DNAH3: variants seen among roughly 807,000 people sequenced by gnomAD.
DNAH3 encodes the protein axonemal beta dynein heavy chain 3.
DNAH3 carries 332 observed loss-of-function variants against 432.5 expected under a neutral mutation model. That is an observed-to-expected ratio of 0.77 (90% CI 0.70 to 0.84). The LOEUF (loss-of-function observed/expected upper bound fraction) is 0.84. Among genes scored for constraint, DNAH3 ranks in the 40% least tolerant of loss-of-function variants. The pLI is 0.00. For missense variants in DNAH3, 4,861 were observed against 5,114.0 expected, an observed-to-expected ratio of 0.95 and a Z score of 1.51; for synonymous variants, 1,956 against 1,900.2, an observed-to-expected ratio of 1.03 and a Z score of -0.76.
Position 21,150,355 on chromosome 16 carries a change from G to A in DNAH3, c.118-4267C>T, listed in dbSNP as rs535396453. The A allele has an allele frequency of 8.0e-5, 36 of 450,736 alleles. No homozygotes were observed. The Admixed American group carries it at 8.6e-4, about 11-fold the overall frequency. The allele number at this position is 450,736 out of a possible 1,614,324, so 27.9% of individuals were successfully genotyped here. A position where few individuals can be genotyped will look rare whatever the true frequency, so the allele number is the denominator to read the frequency against. On this transcript the variant is annotated intron_variant, in intron 1 of 61. Coordinates refer to ENST00000261383, the Ensembl canonical transcript of DNAH3. ...CTAATTGTAGCTATTTTTTTAAAAT[G>A]AATAAAGAGCTTTCAGCTTCTCCAG...
intron 41 of DNAH3, among the ~76,000 whole-genome samples, chr16:21,005,528 G>A (rs988400645): frequency 6.6e-6 from 1 of 151,838 alleles, no homozygotes; most frequent in Non-Finnish European, 1.5e-5. Context: ...ACAGGCACAC[G>A]CCACCGCACC....
chr16:21,037,857 G>A (rs763959950), exon 34 of DNAH3: 3 of 1,614,172 alleles, frequency 1.9e-6, no homozygotes, highest in South Asian at 2.2e-5. Flanking sequence ...CTGGATACTT[G>A]AGCTTCAGGT....
chr16:21,146,212 A>C, intron 1 of DNAH3, 124 bp from the exon 3 acceptor site: 1 of 626,460 alleles, frequency 1.6e-6, no homozygotes, highest in Admixed American at 2.9e-5. Context: ...ACCTAAAACA[A>C]AACACTCCTC....
chr16:20,944,825 C>T (rs1411883907), intron 57 of DNAH3, among the ~76,000 whole-genome samples, 162 bp from the exon 58 acceptor site: 1 of 151,740 alleles, frequency 6.6e-6, no homozygotes, highest in African/African-American at 2.4e-5. Flanking sequence ...CAACCCTAGC[C>T]CTCCCTCATA....
At chr16:20,997,348 T>G (rs547056352) in exon 44 of DNAH3, 2 of 1,614,194 alleles carry the variant, frequency 1.2e-6, no homozygotes, top group East Asian at 2.2e-5. Context: ...GTCCACGATG[T>G]CCAGCCTGGT....
chr16:21,095,695 A>C (rs1238921798), intron 18 of DNAH3, among the ~76,000 whole-genome samples: 2 of 152,242 alleles, frequency 1.3e-5, no homozygotes, highest in African/African-American at 4.8e-5. Context: ...AATGTATATA[A>C]ATTTAAAAAT....
At chr16:20,969,236 CTG>C (rs1322625157) in intron 52 of DNAH3, among the ~76,000 whole-genome samples, 2 of 151,438 alleles carry the variant, frequency 1.3e-5, no homozygotes, top group Non-Finnish European at 2.9e-5. Flanking sequence ...GTGCATGGCT[CTG>C]TGTGTGCATG....
chr16:20,971,833 A>T (rs1167024902), intron 51 of DNAH3, among the ~76,000 whole-genome samples: 1 of 152,220 alleles, frequency 6.6e-6, no homozygotes, highest in Non-Finnish European at 1.5e-5. Context: ...TCCCCTTGGT[A>T]TAGAGCAAAG....
At chr16:21,024,013 C>T (rs574607818) in intron 39 of DNAH3, among the ~76,000 whole-genome samples, 1 of 152,046 alleles carries the variant, frequency 6.6e-6, no homozygotes, top group Non-Finnish European at 1.5e-5. Context: ...GCAAGAGGAA[C>T]CACAGACACC....
intron 37 of DNAH3, 104 bp downstream of exon 37, chr16:21,030,941 T>C: frequency 2.5e-6 from 3 of 1,183,006 alleles, no homozygotes; most frequent in South Asian, 1.4e-5. Context: ...ACAGAATACA[T>C]ACATAATAAA....
At chr16:21,148,282 G>A (rs1220262508) in intron 1 of DNAH3, among the ~76,000 whole-genome samples, 1 of 151,928 alleles carries the variant, frequency 6.6e-6, no homozygotes, top group Non-Finnish European at 1.5e-5. Context: ...TATTCCAAAC[G>A]ATTATGTGCC....
chr16:21,057,234 C>A (rs1424621282), intron 27 of DNAH3, among the ~76,000 whole-genome samples: 2 of 152,074 alleles, frequency 1.3e-5, no homozygotes, highest in South Asian at 2.1e-4. Context: ...CATAGTGAGA[C>A]CCCCGTCTCT....
intron 43 of DNAH3, among the ~76,000 whole-genome samples, chr16:20,998,589 A>G (rs1244266384): frequency 6.6e-6 from 1 of 151,966 alleles, no homozygotes; most frequent in Non-Finnish European, 1.5e-5. Context: ...CAAAATGACA[A>G]GAATATATTA....
chr16:21,133,468 C>T (rs141046232), intron 7 of DNAH3, among the ~76,000 whole-genome samples: 2 of 151,790 alleles, frequency 1.3e-5, no homozygotes, highest in African/African-American at 2.4e-5. Flanking sequence ...GAGCTGGGTG[C>T]GATGGCCCAT....
chr16:20,978,614 G>T (rs2085708571), intron 50 of DNAH3, among the ~76,000 whole-genome samples: 1 of 152,168 alleles, frequency 6.6e-6, no homozygotes, highest in Non-Finnish European at 1.5e-5. Flanking sequence ...GCTCACTGCA[G>T]CCTCAAACTC....
rs2085471516 is a variant in DNAH3, at chr16:20,974,186, A to T, written c.8259+1047T>A. ...AGGTGCATGCCACCACAGCTGGCTA[A>T]TTTTTTTTTACATTTTTTGTAGAGA... On this transcript the variant is annotated intron_variant, in intron 51 of 61. Coordinates refer to ENST00000261383, the Ensembl canonical transcript of DNAH3. Among the ~76,000 whole-genome samples the T allele has an allele frequency of 2.0e-5, 3 of 150,192 alleles. No individual in the cohort carries two copies. The South Asian group carries it at 6.4e-4, about 32-fold the overall frequency.
chr16:20,996,146 C>T (rs2086752887), intron 44 of DNAH3, among the ~76,000 whole-genome samples: 1 of 152,208 alleles, frequency 6.6e-6, no homozygotes, highest in African/African-American at 2.4e-5. Context: ...GAAAACTGTG[C>T]AGCCTTTGTG....
intron 33 of DNAH3, 23 bp downstream of exon 33, chr16:21,039,829 A>C (rs760684294): frequency 1.9e-6 from 3 of 1,552,014 alleles, no homozygotes; most frequent in Non-Finnish European, 1.8e-6. Context: ...TTTAGAATGC[A>C]CTGGAAAACC....
chr16:21,068,913 T>C (rs1422421369), intron 23 of DNAH3, among the ~76,000 whole-genome samples: 1 of 152,006 alleles, frequency 6.6e-6, no homozygotes, highest in Non-Finnish European at 1.5e-5. Flanking sequence ...TACATATTTG[T>C]ATTTGCTTTT....
Sources: allele counts gnomAD v4.1 joint callset (sites outside exome capture counted in the v4.1 genomes callset), GRCh38; gene constraint gnomAD v4.1.1; transcripts MANE v1.5; gene names NCBI Gene and HGNC (gene_info 2026-07-23, HGNC 2026-07-21).